The following SLC27A6 variants were observed in gnomAD, a reference collection of about 807,000 sequenced individuals.
SLC27A6 encodes long-chain fatty acid transport protein 6.
SLC27A6 carries 74 observed loss-of-function variants against 63.9 expected under a neutral mutation model. That is an observed-to-expected ratio of 1.16 (90% CI 0.96 to 1.40). The LOEUF (loss-of-function observed/expected upper bound fraction) is 1.40. Among genes scored for constraint, SLC27A6 ranks in the 40% most tolerant of loss-of-function variants. The pLI is 0.00. For missense variants in SLC27A6, 794 were observed against 732.9 expected, an observed-to-expected ratio of 1.08 and a Z score of -0.96; for synonymous variants, 287 against 260.8, an observed-to-expected ratio of 1.10 and a Z score of -0.97.
At chr5:129,015,714 C>G (rs993233052) in intron 4 of SLC27A6, among the ~76,000 whole-genome samples, 171 bp from the exon 5 acceptor site, 4 of 152,086 alleles carry the variant, frequency 2.6e-5, no homozygotes, top group African/African-American at 9.7e-5. Context: ...ACCAGTGTTA[C>G]TTTCATTAGG....
rs1359651041 is a variant in SLC27A6, at chr5:128,976,330, G to A, written c.482-8803G>A. Among the ~76,000 whole-genome samples the A allele has an allele frequency of 2.0e-5, 3 of 152,120 alleles. No homozygotes were observed. The East Asian group carries it at 5.8e-4, about 29-fold the overall frequency. On this transcript the variant is annotated intron_variant, in intron 1 of 9. Coordinates refer to ENST00000262462, the MANE Select transcript of SLC27A6 (RefSeq NM_001017372.3). ...TCGAGACCAGTCTGACCAACATGGT[G>A]AAAGCCCATCTCTACTAAAAATACA...
chr5:128,968,792 C>T (rs947257381), intron 1 of SLC27A6, among the ~76,000 whole-genome samples: 2 of 152,046 alleles, frequency 1.3e-5, no homozygotes, highest in African/African-American at 4.8e-5. Context: ...TCAATTTTGG[C>T]TTTTGTTGCC....
intron 9 of SLC27A6, among the ~76,000 whole-genome samples, chr5:129,030,830 A>G (rs763844514): frequency 6.6e-6 from 1 of 151,950 alleles, no homozygotes; most frequent in Non-Finnish European, 1.5e-5. Context: ...TTACACTTAT[A>G]TGTGTGCGTA....
chr5:129,031,627 A>G (rs1260133167), intron 9 of SLC27A6, among the ~76,000 whole-genome samples: 1 of 151,954 alleles, frequency 6.6e-6, no homozygotes, highest in African/African-American at 2.4e-5. Context: ...TTTTATTTCT[A>G]GTGTTAAAAA....
At chr5:128,978,492 G>C (rs1195882631) in intron 1 of SLC27A6, among the ~76,000 whole-genome samples, 1 of 152,190 alleles carries the variant, frequency 6.6e-6, no homozygotes, top group African/African-American at 2.4e-5. Context: ...AATAACAAGA[G>C]TAACATTTGC....
At chr5:129,023,193 TAAC>T (rs959102562) in intron 5 of SLC27A6, among the ~76,000 whole-genome samples, 1 of 151,808 alleles carries the variant, frequency 6.6e-6, no homozygotes, top group Non-Finnish European at 1.5e-5. Flanking sequence ...GAGGAAAAAA[TAAC>T]ACAATTTTTG....
chr5:129,029,509 A>G, intron 8 of SLC27A6, 68 bp from the exon 9 acceptor site: 1 of 1,043,074 alleles, frequency 9.6e-7, no homozygotes, highest in Non-Finnish European at 1.4e-6. Context: ...GCCAATTAGC[A>G]TGTACAGAAT....
intron 1 of SLC27A6, among the ~76,000 whole-genome samples, chr5:128,973,094 G>A (rs2577443): frequency 0.25 from 37,603 of 152,064 alleles, 5,115 homozygotes; most frequent in Middle Eastern, 0.33. Context: ...TATCACCAGC[G>A]GAGGCTGCAG....
chr5:128,979,764 C>T (rs576065925), intron 1 of SLC27A6, among the ~76,000 whole-genome samples: 35 of 152,224 alleles, frequency 2.3e-4, no homozygotes, highest in Middle Eastern at 3.4e-3. Context: ...TCAATCTGCT[C>T]ACCTCAAAAA....
chr5:129,005,310 A>G (rs987307960), intron 4 of SLC27A6, among the ~76,000 whole-genome samples: 5 of 152,212 alleles, frequency 3.3e-5, no homozygotes, highest in Non-Finnish European at 7.3e-5. Context: ...TGAGAAGGAA[A>G]CATAAAAGGA....
chr5:129,020,498 G>A (rs565541619), intron 5 of SLC27A6, among the ~76,000 whole-genome samples: 4 of 152,148 alleles, frequency 2.6e-5, no homozygotes, highest in Admixed American at 6.5e-5. Flanking sequence ...GGGAGTGGGG[G>A]GGAGGAAAGG....
In SLC27A6 at chr5:129,027,307, G is replaced by A. The variant is rs1176723795; in HGVS notation, c.1430G>A (p.Trp477Ter). The change falls in exon 7 of 10, where the codon TGG becomes TAG. Residue 477 changes from tryptophan to a stop codon, truncating the protein, a stop_gained. Coordinates refer to ENST00000262462, the MANE Select transcript of SLC27A6 (RefSeq NM_001017372.3). LOFTEE classifies it high-confidence loss of function. ...GATCAGGACAATTTCCTTTATTTTT[G>A]GGACCGTACTGGAGACACTTTCAGG... ...VQDQDNFLYF[W>*]DRTGDTFRWK... 1.2e-6 allele frequency: 2 copies of A among 1,612,424 alleles called. No individual in the cohort carries two copies. Among genetic ancestry groups the A allele is most frequent in the Admixed American group, 1.7e-5 (1 of 59,960 alleles).
At chr5:128,990,190 C>T in intron 3 of SLC27A6, 150 bp from the exon 4 acceptor site, 2 of 711,076 alleles carry the variant, frequency 2.8e-6, no homozygotes, top group African/African-American at 1.8e-5. Context: ...TTAGTGTTTC[C>T]AAATGAGTTT....
intron 5 of SLC27A6, among the ~76,000 whole-genome samples, chr5:129,016,413 A>G (rs1751897755): frequency 6.6e-6 from 1 of 150,640 alleles, no homozygotes; most frequent in South Asian, 2.1e-4. Flanking sequence ...AAAAAAAAAA[A>G]AAAAAGGAGC....
At position 129,032,854 on chromosome 5, in the gene SLC27A6, A is replaced by G. The variant is rs574404025; in HGVS notation, c.1684-252A>G. Among the ~76,000 whole-genome samples the G allele has an allele frequency of 4.6e-5, 7 of 152,104 alleles. No homozygotes were observed. The East Asian group carries it at 1.4e-3, about 29-fold the overall frequency. The stretch of plus-strand genomic sequence containing the variant: ...ACCTATGTATTTTAGACATAATTAT[A>G]ATCAGTTTATTATGTTCATAATTCT... On this transcript the variant is annotated intron_variant, in intron 9 of 9. Transcript: ENST00000262462.
intron 5 of SLC27A6, among the ~76,000 whole-genome samples, chr5:129,021,605 TATACAC>T (rs1752077798): frequency 6.6e-6 from 1 of 152,188 alleles, no homozygotes; most frequent in South Asian, 2.1e-4. Context: ...CATGTACACA[TATACAC>T]ATACATAAAC....
At chr5:128,987,170 A>G (rs1173303097) in intron 2 of SLC27A6, among the ~76,000 whole-genome samples, 1 of 152,092 alleles carries the variant, frequency 6.6e-6, no homozygotes, top group Non-Finnish European at 1.5e-5. Context: ...ATATACATAT[A>G]TGTATATGTT....
At chr5:128,976,695 A>G (rs1443156996) in intron 1 of SLC27A6, among the ~76,000 whole-genome samples, 1 of 134,208 alleles carries the variant, frequency 7.5e-6, no homozygotes, top group Non-Finnish European at 1.7e-5. Context: ...GCACCATTTC[A>G]GTGTAACAGT....
chr5:129,007,166 T>C lies in SLC27A6; in HGVS notation c.970-8719T>C, dbSNP rs574635317. Among the ~76,000 whole-genome samples the C allele has an allele frequency of 2.6e-5, 4 of 152,032 alleles. No individual in the cohort carries two copies. In the South Asian group the frequency reaches 6.2e-4, roughly 24 times the overall value. On this transcript the variant is annotated intron_variant, in intron 4 of 9. Transcript: ENST00000262462. ...CCATTTAATTATTAAAAACATTGAA[T>C]GTGGCTGGGCACAATCCACCTGTAA... is the stretch of plus-strand genomic sequence containing the variant.
Sources: gnomAD v4.1 joint callset for allele counts (sites outside exome capture counted in the v4.1 genomes callset) on GRCh38, gnomAD v4.1.1 for gene constraint, MANE v1.5 for transcripts, NCBI Gene and HGNC (gene_info 2026-07-23, HGNC 2026-07-21) for gene names.